COL6A6: variants seen among roughly 807,000 people sequenced by gnomAD.
The protein encoded by COL6A6 is collagen type VI alpha 6 chain.
In COL6A6, 183 loss-of-function variants were observed where a neutral mutation model predicts 208.6. The observed-to-expected ratio is 0.88, with a 90% CI of 0.78 to 0.99. The LOEUF (loss-of-function observed/expected upper bound fraction) is 0.99, where lower values mean the gene tolerates loss of function less well. COL6A6 is among the 50% of genes least tolerant of loss of function. COL6A6 has a pLI of 0.00. For synonymous variants in COL6A6, 973 were observed against 1,011.8 expected (o/e 0.96, Z 0.73); for missense variants, 2,816 against 2,815.2 (o/e 1.00, Z -0.01).
chr3:130,553,327 AG>A (rs2062690482), intron 1 of COL6A6, among the ~76,000 whole-genome samples: 2 of 151,940 alleles, frequency 1.3e-5, no homozygotes, highest in African/African-American at 4.8e-5. Context: ...ATATTTCTCT[AG>A]GGTTTTGGGT....
At chr3:130,588,286 A>G (rs921269980) in intron 11 of COL6A6, among the ~76,000 whole-genome samples, 4 of 152,252 alleles carry the variant, frequency 2.6e-5, no homozygotes, top group Non-Finnish European at 5.9e-5. Flanking sequence ...GGGAAACTTC[A>G]CAATACAAAG....
rs950811550 is a variant in COL6A6, at chr3:130,568,222, G to A, written c.2019G>A (p.Glu673=). The A allele has an allele frequency of 6.2e-7, 1 of 1,614,012 alleles. No homozygotes were observed. Among genetic ancestry groups the A allele is most frequent in the Admixed American group, 1.7e-5 (1 of 60,024 alleles). ...AGTTCAGCGACATCAATAAGGAAGA[G>A]TTTCAGCTCAACAGATTCATGTCCC... is the stretch of plus-strand genomic sequence containing the variant. ...VVQFSDINKE[E]FQLNRFMSQS... is the part of the protein sequence containing the mutation. The change falls in exon 6 of 37, where the codon GAG becomes GAA. Residue 673 remains glutamate, a synonymous_variant. Transcript: ENST00000358511.
At chr3:130,607,284 T>C (rs2064212600) in intron 21 of COL6A6, among the ~76,000 whole-genome samples, 1 of 152,188 alleles carries the variant, frequency 6.6e-6, no homozygotes, top group Non-Finnish European at 1.5e-5. Flanking sequence ...CATTTAACTT[T>C]GGAATCTTAC....
intron 18 of COL6A6, 104 bp from the exon 19 acceptor site, chr3:130,598,261 G>T: frequency 1.4e-6 from 1 of 723,536 alleles, no homozygotes; most frequent in Non-Finnish European, 2.3e-6. Flanking sequence ...AAATGGGTTG[G>T]AATTGTCAAC....
At chr3:130,628,634 C>G (rs897729684) in intron 26 of COL6A6, among the ~76,000 whole-genome samples, 1 of 152,040 alleles carries the variant, frequency 6.6e-6, no homozygotes, top group Non-Finnish European at 1.5e-5. Context: ...AGTCTTTGAA[C>G]AAAGTAAGGT....
chr3:130,653,872 C>T (rs185935906), intron 33 of COL6A6, among the ~76,000 whole-genome samples: 2 of 152,182 alleles, frequency 1.3e-5, no homozygotes, highest in East Asian at 3.9e-4. Flanking sequence ...TGTGGACTCT[C>T]CCCATAAAAC....
At position 130,675,287 on chromosome 3, in the gene COL6A6, A is replaced by T; in HGVS notation, c.6682A>T (p.Arg2228Ter). The T allele has an allele frequency of 6.3e-7, 1 of 1,589,186 alleles. No individual in the cohort carries two copies. The highest frequency in any genetic ancestry group is 8.6e-7 in the Non-Finnish European group (1 of 1,166,468). ...KFFQDKKYLS[R>*]VARSGRDDAI... ...CTTTCAAGATAAAAAATATCTTTCA[A>T]GAGTAGCAAGAAGTGGCAGAGATGA... The change falls in exon 37 of 37, where the codon AGA becomes TGA. Residue 2228 changes from arginine (R) to a stop codon, truncating the protein, a stop_gained. Transcript: ENST00000358511. LOFTEE classifies it low-confidence loss of function (END_TRUNC).
At position 130,649,161 on chromosome 3, in the gene COL6A6, G is replaced by A; in HGVS notation, c.5332G>A (p.Glu1778Lys). 6.3e-7 allele frequency: 1 copy of A among 1,594,882 alleles called. No individual in the cohort carries two copies. Among genetic ancestry groups the A allele is most frequent in the Admixed American group, 1.7e-5 (1 of 57,360 alleles). The change falls in exon 33 of 37, where the codon GAG becomes AAG. Residue 1778 changes from glutamate (E) to lysine (K), a missense_variant. Transcript: ENST00000358511. ...VTEQEFERMK[E>K]MMAFLVRDIK... ...TGAGCAGGAATTTGAGCGGATGAAG[G>A]AGATGATGGCTTTCCTGGTGAGAGA... is the stretch of plus-strand genomic sequence containing the variant.
chr3:130,599,877 C>A, intron 20 of COL6A6, 67 bp downstream of exon 20: 1 of 1,484,690 alleles, frequency 6.7e-7, no homozygotes, highest in Non-Finnish European at 9.4e-7. Context: ...AAATGGCTGA[C>A]TTTGGGGGAG....
intron 1 of COL6A6, among the ~76,000 whole-genome samples, chr3:130,544,203 G>A (rs919816335): frequency 2.0e-5 from 3 of 152,048 alleles, no homozygotes; most frequent in African/African-American, 4.8e-5. Flanking sequence ...CTATTTCTAT[G>A]TATTCAACTT....
chr3:130,615,765 A>G (rs1354880903), intron 23 of COL6A6, among the ~76,000 whole-genome samples: 1 of 152,204 alleles, frequency 6.6e-6, no homozygotes, highest in Non-Finnish European at 1.5e-5. Flanking sequence ...TCATCTGTTT[A>G]TATAAAATAT....
intron 2 of COL6A6, among the ~76,000 whole-genome samples, chr3:130,561,941 C>T (rs1245109176): frequency 2.6e-5 from 4 of 152,086 alleles, no homozygotes; most frequent in South Asian, 2.1e-4. Context: ...CGTGAGCCAC[C>T]GCGCCCGGCT....
At chr3:130,667,943 T>C (rs1480262771) in intron 36 of COL6A6, among the ~76,000 whole-genome samples, 2 of 150,860 alleles carry the variant, frequency 1.3e-5, no homozygotes, top group Non-Finnish European at 3.0e-5. Context: ...AAATATAAAT[T>C]AGCTAACTAC....
Position 130,662,157 on chromosome 3 carries a change from G to T in COL6A6, c.6351G>T (p.Val2117=), listed in dbSNP as rs915893343. 3.1e-6 allele frequency: 5 copies of T among 1,613,984 alleles called. No individual in the cohort carries two copies. Among genetic ancestry groups the T allele is most frequent in the Non-Finnish European group, 4.2e-6 (5 of 1,179,872 alleles). The part of the protein sequence containing the change: ...RAKCQGYALF[V]FSLGPIWDDK... ...AATGTCAGGGATATGCCTTATTTGT[G>T]TTTTCCCTTGGCCCTATTTGGGATG... The change falls in exon 35 of 37, where the codon GTG becomes GTT. Residue 2117 remains valine, a synonymous_variant. Coordinates refer to ENST00000358511, the MANE Select transcript of COL6A6 (RefSeq NM_001102608.3).
At chr3:130,539,446 C>T (rs1307140248) in intron 1 of COL6A6, among the ~76,000 whole-genome samples, 1 of 152,076 alleles carries the variant, frequency 6.6e-6, no homozygotes, top group East Asian at 1.9e-4. Flanking sequence ...CCAGCCTGAC[C>T]AACATAGGGA....
Position 130,565,424 on chromosome 3 carries a change from C to T in COL6A6, c.1092C>T (p.Thr364=). 1.2e-6 allele frequency: 2 copies of T among 1,613,846 alleles called. No individual in the cohort carries two copies. Among genetic ancestry groups the T allele is most frequent in the East Asian group, 2.2e-5 (1 of 44,866 alleles). The change falls in exon 4 of 37, where the codon ACC becomes ACT. Residue 364 remains threonine (T), a synonymous_variant. Coordinates refer to ENST00000358511, the MANE Select transcript of COL6A6 (RefSeq NM_001102608.3). ...GACGGGAGGGTGTGACCATCTTCAC[C>T]CTGGGCATAGAGGGCGCCAGCGACA... ...NLRREGVTIF[T]LGIEGASDTQ... is the part of the protein sequence containing the mutation.
chr3:130,559,376 CA>C (rs1354996313), intron 1 of COL6A6, among the ~76,000 whole-genome samples: 1 of 152,112 alleles, frequency 6.6e-6, no homozygotes, highest in Non-Finnish European at 1.5e-5. Flanking sequence ...AAGAGAGTCT[CA>C]AGTTGCAGAA....
At chr3:130,546,245 G>T (rs559039929) in intron 1 of COL6A6, among the ~76,000 whole-genome samples, 115 of 152,102 alleles carry the variant, frequency 7.6e-4, no homozygotes, top group Non-Finnish European at 1.4e-3. Context: ...CCTTCTGGTG[G>T]GTTTGTGGTC....
At chr3:130,671,044 G>A (rs190929933) in intron 36 of COL6A6, among the ~76,000 whole-genome samples, 2 of 152,222 alleles carry the variant, frequency 1.3e-5, no homozygotes, top group East Asian at 3.9e-4. Flanking sequence ...TCTGGCTGTT[G>A]GGAAAAGGAA....
Sources: allele counts gnomAD v4.1 joint callset (sites outside exome capture counted in the v4.1 genomes callset), GRCh38; gene constraint gnomAD v4.1.1; transcripts MANE v1.5; gene names NCBI Gene and HGNC (gene_info 2026-07-23, HGNC 2026-07-21).